The following RGS7 variants were observed in gnomAD, a reference collection of about 807,000 sequenced individuals.
The protein encoded by RGS7 is regulator of G protein signaling 7, also known as regulator of G-protein signaling 7.
A neutral mutation model predicts 81.1 loss-of-function variants in RGS7; 27 were observed. That is an observed-to-expected ratio of 0.33 (90% CI 0.25 to 0.46). The LOEUF (loss-of-function observed/expected upper bound fraction) is 0.46. Ranked by LOEUF, RGS7 falls within the 20% of genes least tolerant of loss-of-function variation. RGS7 has a pLI of 1.00. For synonymous variants in RGS7, 208 were observed against 207.7 expected, an observed-to-expected ratio of 1.00 and a Z score of -0.01; for missense variants, 396 against 607.4, an observed-to-expected ratio of 0.65 and a Z score of 3.66.
intron 3 of RGS7, among the ~76,000 whole-genome samples, chr1:241,016,749 C>A (rs1371128913): frequency 6.6e-6 from 1 of 152,060 alleles, no homozygotes; most frequent in Non-Finnish European, 1.5e-5. Context: ...TTGGAGACAG[C>A]ATATTGTGGT....
intron 2 of RGS7, among the ~76,000 whole-genome samples, chr1:241,332,554 G>A (rs972640843): frequency 6.6e-6 from 1 of 152,134 alleles, no homozygotes; most frequent in Non-Finnish European, 1.5e-5. Flanking sequence ...TGCGGGAGAG[G>A]GAGGACTGAA....
chr1:241,216,129 G>A (rs1049419415), intron 2 of RGS7, among the ~76,000 whole-genome samples: 7 of 152,022 alleles, frequency 4.6e-5, no homozygotes, highest in East Asian at 1.9e-4. Flanking sequence ...AAACGTAGCC[G>A]GGCGTGGTGG....
intron 2 of RGS7, among the ~76,000 whole-genome samples, chr1:241,268,248 C>G (rs1288204644): frequency 6.6e-6 from 1 of 152,224 alleles, no homozygotes; most frequent in African/African-American, 2.4e-5. Context: ...TTCCATAATT[C>G]AGTGCGTAGA....
At chr1:241,273,909 C>T (rs961093176) in intron 2 of RGS7, among the ~76,000 whole-genome samples, 2 of 135,874 alleles carry the variant, frequency 1.5e-5, no homozygotes, top group African/African-American at 5.9e-5. Context: ...CAGATGCAGA[C>T]TTTTGTGTCT....
At chr1:241,043,922 T>G (rs2060769037) in intron 3 of RGS7, among the ~76,000 whole-genome samples, 1 of 151,904 alleles carries the variant, frequency 6.6e-6, no homozygotes, top group Non-Finnish European at 1.5e-5. Flanking sequence ...ACCAATCCTG[T>G]GCAGATACTG....
intron 2 of RGS7, among the ~76,000 whole-genome samples, chr1:241,323,366 C>T (rs2081315438): frequency 6.6e-6 from 1 of 152,248 alleles, no homozygotes; most frequent in South Asian, 2.1e-4. Flanking sequence ...AGAGAGGCGC[C>T]TGTCAGCGCC....
At chr1:241,052,243 T>A (rs1472359932) in intron 3 of RGS7, among the ~76,000 whole-genome samples, 10 of 151,954 alleles carry the variant, frequency 6.6e-5, no homozygotes, top group Admixed American at 6.6e-4. Flanking sequence ...ACGCAGCAAG[T>A]GAAGTGCTAT....
At chr1:241,176,615 G>C (rs913000732) in intron 2 of RGS7, among the ~76,000 whole-genome samples, 1 of 152,110 alleles carries the variant, frequency 6.6e-6, no homozygotes, top group African/African-American at 2.4e-5. Context: ...AGGCACTGGG[G>C]CTTATATTTT....
At chr1:240,895,993 G>A (rs1337494613) in intron 6 of RGS7, among the ~76,000 whole-genome samples, 1 of 152,180 alleles carries the variant, frequency 6.6e-6, no homozygotes, top group Non-Finnish European at 1.5e-5. Flanking sequence ...ACTGGTATGA[G>A]ATGGTATGTC....
At chr1:240,914,948 T>C (rs1672352273) in intron 6 of RGS7, among the ~76,000 whole-genome samples, 1 of 152,144 alleles carries the variant, frequency 6.6e-6, no homozygotes, top group African/African-American at 2.4e-5. Flanking sequence ...AACTGATTAG[T>C]TGTTCGAGGC....
intron 9 of RGS7, among the ~76,000 whole-genome samples, chr1:240,865,064 C>G (rs1662983322): frequency 6.6e-6 from 1 of 152,002 alleles, no homozygotes; most frequent in African/African-American, 2.4e-5. Flanking sequence ...AAGTGATCTG[C>G]TAGCTGCTTT....
chr1:241,206,913 T>G (rs1385581159), intron 2 of RGS7, among the ~76,000 whole-genome samples: 2 of 148,416 alleles, frequency 1.3e-5, no homozygotes, highest in Non-Finnish European at 3.0e-5. Context: ...TCTTTCTTTC[T>G]CCCTCCCTCC....
chr1:241,027,206 C>T (rs1191536947), intron 3 of RGS7, among the ~76,000 whole-genome samples: 4 of 143,826 alleles, frequency 2.8e-5, no homozygotes, highest in African/African-American at 1.1e-4. Flanking sequence ...CTGTCTCAAA[C>T]AAATACAAAA....
rs567635504 is a variant in RGS7 at position 241,255,711 on chromosome 1, T to A, written c.78+99988A>T. 3.3e-5 allele frequency among the ~76,000 whole-genome samples: 5 copies of A among 152,286 alleles called. No homozygotes were observed. The South Asian group carries it at 1.0e-3, about 32-fold the overall frequency. On this transcript the variant is annotated intron_variant, in intron 2 of 18. Coordinates refer to ENST00000440928, the MANE Select transcript of RGS7 (RefSeq NM_001364886.1). ...ATTCTGCATTCATATGCAACTGGAA[T>A]TCTGAATTCTGCATTCGTATTCAAC...
At chr1:241,057,055 T>TC (rs1436284152) in intron 3 of RGS7, among the ~76,000 whole-genome samples, 2 of 97,402 alleles carry the variant, frequency 2.1e-5, no homozygotes, top group South Asian at 3.1e-4. Context: ...TTTCCAAGAC[T>TC]TTTTTTTTTT....
intron 3 of RGS7, among the ~76,000 whole-genome samples, chr1:241,090,449 G>A (rs1016791286): frequency 1.3e-5 from 2 of 151,968 alleles, no homozygotes; most frequent in African/African-American, 4.8e-5. Flanking sequence ...ATACCCAAGC[G>A]AAAATACTGT....
chr1:241,301,296 A>G (rs2079738816), intron 2 of RGS7, among the ~76,000 whole-genome samples: 1 of 152,258 alleles, frequency 6.6e-6, no homozygotes, highest in South Asian at 2.1e-4. Context: ...TAATTTAATC[A>G]GCATTTACAC....
intron 3 of RGS7, among the ~76,000 whole-genome samples, chr1:240,991,456 G>T (rs1040308690): frequency 6.6e-6 from 1 of 152,134 alleles, no homozygotes; most frequent in Non-Finnish European, 1.5e-5. Context: ...TTCCCAAGTC[G>T]CATTCAGAGA....
intron 2 of RGS7, among the ~76,000 whole-genome samples, chr1:241,154,323 G>T (rs917150590): frequency 4.6e-5 from 7 of 152,106 alleles, no homozygotes; most frequent in African/African-American, 1.7e-4. Context: ...AGGAAGGGAA[G>T]AATCTCAGGC....
Sources: gnomAD v4.1 joint callset for allele counts (sites outside exome capture counted in the v4.1 genomes callset) on GRCh38, gnomAD v4.1.1 for gene constraint, MANE v1.5 for transcripts, NCBI Gene and HGNC (gene_info 2026-07-23, HGNC 2026-07-21) for gene names.